The following PPFIA4 variants were observed in gnomAD, a reference collection of about 807,000 sequenced individuals.
PPFIA4 encodes the protein PPFI scaffold protein A4, also known as liprin-alpha-4.
In PPFIA4, 98 loss-of-function variants were observed where a neutral mutation model predicts 145.7. The ratio of observed to expected loss-of-function variants is 0.67; its 90% confidence interval spans 0.57 to 0.80. The LOEUF (loss-of-function observed/expected upper bound fraction) is 0.80. PPFIA4 is among the 30% of genes least tolerant of loss of function. PPFIA4 has a pLI of 0.00. For missense variants in PPFIA4, 1,457 were observed against 1,632.7 expected (o/e 0.89, Z 1.85); for synonymous variants, 628 against 649.6 (o/e 0.97, Z 0.51).
intron 13 of PPFIA4, among the ~76,000 whole-genome samples, chr1:203,050,954 G>A (rs1660465532): frequency 6.6e-6 from 1 of 151,954 alleles, no homozygotes; most frequent in African/African-American, 2.4e-5. Context: ...TGGAATTGGG[G>A]CTGAGTTGCA....
rs1279802385 is a variant in PPFIA4, at chr1:203,075,322, CA to C, written c.3394-253del. On this transcript the variant is annotated intron_variant, in intron 28 of 29. Transcript: ENST00000295706. This position sits in a 1 kb window ranked among gnomAD's most constrained non-coding sequence, Gnocchi z 4.1. ...TTCAACTGCAGGATGGCAGACCCAA[CA>C]AGACTCTCCCCCGCCCCACACACCC... is the stretch of plus-strand genomic sequence containing the variant. 6.6e-6 allele frequency among the ~76,000 whole-genome samples: 1 copy of C among 152,162 alleles called. No homozygotes were observed. Among genetic ancestry groups the C allele is most frequent in the African/African-American group, 2.4e-5 (1 of 41,426 alleles).
At position 203,078,578 on chromosome 1, in the gene PPFIA4, G is replaced by A. The variant is rs1662688239; in HGVS notation, c.*2188G>A. 1 of 152,260 alleles carries A rather than the reference G, an allele frequency of 6.6e-6. No homozygotes were observed. Among genetic ancestry groups the A allele is most frequent in the Non-Finnish European group, 1.5e-5 (1 of 67,984 alleles). The allele number at this position is 152,260 out of a possible 1,614,324, so 9.4% of individuals were successfully genotyped here. A position where few individuals can be genotyped will look rare whatever the true frequency, so the allele number is the denominator to read the frequency against. On this transcript the variant is annotated 3_prime_UTR_variant, in exon 30 of 30. Coordinates refer to ENST00000295706, the MANE Select transcript of PPFIA4 (RefSeq NM_001304331.2). ...ATATTTTTTTTTTGGCGAGTCACCA[G>A]TGACCCGAGCCCTCCACACCAGCCT...
intron 1 of PPFIA4, chr1:203,034,485 T>C (rs1007302216): frequency 3.1e-5 from 14 of 456,120 alleles, no homozygotes; most frequent in African/African-American, 2.0e-4. Context: ...TTGGGGAGAA[T>C]GTCTGAGAGC....
intron 19 of PPFIA4, 38 bp downstream of exon 19, chr1:203,056,988 T>C (rs543529516): frequency 1.6e-4 from 254 of 1,608,754 alleles, no homozygotes; most frequent in South Asian, 5.0e-4. Context: ...TGGGCGGGCA[T>C]TGGGGCATCA....
intron 1 of PPFIA4, among the ~76,000 whole-genome samples, chr1:203,033,350 C>G (rs1658983720): frequency 6.6e-6 from 1 of 152,186 alleles, no homozygotes; most frequent in Admixed American, 6.5e-5. Flanking sequence ...AGTTTTTTCT[C>G]TGGGAATGGC....
intron 24 of PPFIA4, among the ~76,000 whole-genome samples, chr1:203,062,160 AC>A (rs1661409381): frequency 1.3e-5 from 2 of 151,990 alleles, no homozygotes; most frequent in Admixed American, 6.6e-5. Context: ...ATATCAGTAA[AC>A]AAACCATGTC....
intron 28 of PPFIA4, among the ~76,000 whole-genome samples, chr1:203,072,005 G>A (rs2270542): frequency 0.062 from 9,471 of 152,286 alleles, 403 homozygotes; most frequent in Middle Eastern, 0.1. Context: ...GAAGGCCCAT[G>A]TGTTGTACTT....
At chr1:203,054,715 G>C (rs375879411) in intron 15 of PPFIA4, among the ~76,000 whole-genome samples, 2 of 151,142 alleles carry the variant, frequency 1.3e-5, no homozygotes, top group South Asian at 4.2e-4. Flanking sequence ...CACACACAGA[G>C]AGAGAGAGAG....
chr1:203,064,279 C>T (rs561936121), intron 25 of PPFIA4, among the ~76,000 whole-genome samples: 2 of 152,338 alleles, frequency 1.3e-5, no homozygotes, highest in African/African-American at 2.4e-5. Context: ...TTTAGCTTCA[C>T]CTCCTTTGAG....
Position 203,060,570 on chromosome 1 carries a change from T to C in PPFIA4, c.2784+153T>C, listed in dbSNP as rs1327409203. Among the ~76,000 whole-genome samples the C allele has an allele frequency of 6.6e-6, 1 of 152,144 alleles. No homozygotes were observed. Among genetic ancestry groups the C allele is most frequent in the Non-Finnish European group, 1.5e-5 (1 of 68,032 alleles). ...GCTCTCCCTGGTCTTCAGGAGGATA[T>C]GATGTTGATTCTAGGAGGATACCAG... On this transcript the variant is annotated intron_variant, in intron 22 of 29. Transcript: ENST00000295706. The surrounding 1 kb of genome is among the most constrained non-coding windows in gnomAD (Gnocchi z 4.8).
intron 23 of PPFIA4, chr1:203,061,446 C>A: frequency 1.9e-6 from 1 of 539,368 alleles, no homozygotes; most frequent in Non-Finnish European, 3.3e-6. Context: ...GTGTTTTTGC[C>A]ACACACACAT....
intron 2 of PPFIA4, among the ~76,000 whole-genome samples, chr1:203,039,862 A>G (rs184128472): frequency 6.6e-6 from 1 of 152,260 alleles, no homozygotes; most frequent in East Asian, 1.9e-4. Flanking sequence ...CCATCATCCC[A>G]TTGTACAAAT....
chr1:203,038,387 TG>T, intron 1 of PPFIA4, among the ~76,000 whole-genome samples: 1 of 152,282 alleles, frequency 6.6e-6, no homozygotes, highest in Non-Finnish European at 1.5e-5. Context: ...TTCTGACAGC[TG>T]TGGGGAGCAG....
Position 203,071,754 on chromosome 1 carries a change from G to A in PPFIA4, c.3387G>A (p.Leu1129=). 6.2e-7 allele frequency: 1 copy of A among 1,611,478 alleles called. No individual in the cohort carries two copies. Among genetic ancestry groups the A allele is most frequent in the Non-Finnish European group, 8.5e-7 (1 of 1,178,204 alleles). Residue 1129 remains leucine, a synonymous_variant, in exon 28 of 30, where the codon CTG becomes CTA. Coordinates refer to ENST00000295706, the MANE Select transcript of PPFIA4 (RefSeq NM_001304331.2). Reference sequence around the variant, plus strand: ...TGGCCTTGGGCACAGACCGGAAGCTGGATGACGTGAGTACCTGGCCATGAA... The same window carrying A: ...TGGCCTTGGGCACAGACCGGAAGCTAGATGACGTGAGTACCTGGCCATGAA... ...NLLALGTDRK[L]DDGDDKVFRR...
At chr1:203,034,277 C>T (rs1010721061) in intron 1 of PPFIA4, among the ~76,000 whole-genome samples, 4 of 152,054 alleles carry the variant, frequency 2.6e-5, no homozygotes, top group South Asian at 4.1e-4. Context: ...CAAACAGGAG[C>T]TATAGGTGGG....
At chr1:203,067,443 T>C in intron 25 of PPFIA4, 2 of 447,482 alleles carry the variant, frequency 4.5e-6, no homozygotes, top group Non-Finnish European at 4.0e-6. Context: ...CAAAGAACTT[T>C]TTTTCCCATC....
At chr1:203,057,979 C>A (rs573273119) in intron 19 of PPFIA4, among the ~76,000 whole-genome samples, 2 of 151,740 alleles carry the variant, frequency 1.3e-5, no homozygotes, top group Admixed American at 6.6e-5. Flanking sequence ...GGAGGGTGGG[C>A]GGAGTGGGGA....
chr1:203,048,447 A>G lies in PPFIA4; in HGVS notation c.1225-136A>G, dbSNP rs72754766. 5.2e-3 allele frequency: 7,658 copies of G among 1,464,954 alleles called. 214 individuals are homozygous for G. The East Asian group carries it at 0.066, about 13-fold the overall frequency. 90.7% of individuals were successfully genotyped at this position (1,464,954 alleles called of 1,614,324 possible). On this transcript the variant is annotated intron_variant, in intron 10 of 29. Transcript: ENST00000295706. This position sits in a 1 kb window ranked among gnomAD's most constrained non-coding sequence, Gnocchi z 5.8. ...AGAGTGGGAGGAGGCTGGCAGGTGA[A>G]GGGGGAGGTGGTCAGGAGACTGGAG...
intron 14 of PPFIA4, among the ~76,000 whole-genome samples, chr1:203,052,945 T>C (rs139459415): frequency 1.7e-3 from 263 of 152,324 alleles, no homozygotes; most frequent in Non-Finnish European, 2.5e-3. Flanking sequence ...GCCTTTGAGT[T>C]TGTATGGATG....
Sources: gnomAD v4.1 joint callset for allele counts (sites outside exome capture counted in the v4.1 genomes callset) on GRCh38, gnomAD v4.1.1 for gene constraint, Gnocchi (gnomAD v3.1) non-coding constraint, MANE v1.5 for transcripts, NCBI Gene and HGNC (gene_info 2026-07-23, HGNC 2026-07-21) for gene names.